Variants in TRAF3 observed in about 807,000 individuals in gnomAD.
The protein encoded by TRAF3 is TNF receptor associated factor 3.
A neutral mutation model predicts 62.3 loss-of-function variants in TRAF3; 13 were observed. That is an observed-to-expected ratio of 0.21 (90% CI 0.14 to 0.33). TRAF3 has a LOEUF of 0.33. Among genes scored for constraint, TRAF3 ranks in the 10% least tolerant of loss-of-function variants. The pLI, the probability that TRAF3 is intolerant of heterozygous loss-of-function variation, is 1.00. For missense variants in TRAF3, 440 were observed against 741.8 expected, an observed-to-expected ratio of 0.59 and a Z score of 4.73; for synonymous variants, 269 against 283.4, an observed-to-expected ratio of 0.95 and a Z score of 0.51.
intron 2 of TRAF3, among the ~76,000 whole-genome samples, chr14:102,854,389 A>G (rs1228809931): frequency 6.6e-6 from 1 of 152,220 alleles, no homozygotes; most frequent in Non-Finnish European, 1.5e-5. Flanking sequence ...ACCATTTTAC[A>G]TTCCTGTCAA....
At position 102,865,721 on chromosome 14, in the gene TRAF3, A is replaced by C. The variant is rs545162492; in HGVS notation, c.-17-4464A>C. On this transcript the variant is annotated intron_variant, in intron 2 of 11. Transcript: ENST00000392745. ...ACCATGTTGGCCAGGGCTGGTCTTG[A>C]ACTCCTGACCTCAAGTGATTTAGCC... is the stretch of plus-strand genomic sequence containing the variant. 3.9e-5 allele frequency: 6 copies of C among 152,178 alleles called. No individual in the cohort carries two copies. The East Asian group carries it at 9.7e-4, about 25-fold the overall frequency. The allele number at this position is 152,178 out of a possible 1,614,324, so 9.4% of individuals were successfully genotyped here.
intron 2 of TRAF3, among the ~76,000 whole-genome samples, chr14:102,861,776 G>A (rs1887692845): frequency 6.6e-6 from 1 of 152,164 alleles, no homozygotes; most frequent in Non-Finnish European, 1.5e-5. Context: ...CAGAGCAGCC[G>A]ATTTGTATTT....
At chr14:102,866,850 A>AACACACACAC (rs538121314) in intron 2 of TRAF3, among the ~76,000 whole-genome samples, 130 of 132,276 alleles carry the variant, frequency 9.8e-4, no homozygotes, top group East Asian at 9.4e-3. Flanking sequence ...ATCTCTTGAA[A>AACACACACAC]ACACACACAC....
chr14:102,843,103 C>G (rs368409601), intron 2 of TRAF3, among the ~76,000 whole-genome samples: 1 of 150,580 alleles, frequency 6.6e-6, no homozygotes, highest in Non-Finnish European at 1.5e-5. Context: ...CTCAGGAGGC[C>G]GAGACAGGAG....
At chr14:102,855,402 C>A (rs1350255859) in intron 2 of TRAF3, among the ~76,000 whole-genome samples, 1 of 152,096 alleles carries the variant, frequency 6.6e-6, no homozygotes, top group African/African-American at 2.4e-5. Context: ...GAGGAACTGC[C>A]AGCCTCTTTT....
At chr14:102,778,739 C>T (rs1355775909) in intron 1 of TRAF3, among the ~76,000 whole-genome samples, 1 of 152,084 alleles carries the variant, frequency 6.6e-6, no homozygotes, top group Non-Finnish European at 1.5e-5. Context: ...GCATTTGCTG[C>T]GACTACACAC....
chr14:102,853,423 C>G, intron 2 of TRAF3, among the ~76,000 whole-genome samples: 1 of 152,114 alleles, frequency 6.6e-6, no homozygotes, highest in East Asian at 1.9e-4. Context: ...TTCCCCCCAC[C>G]ACCGTTTTTT....
At chr14:102,788,734 G>A (rs1897629001) in intron 1 of TRAF3, among the ~76,000 whole-genome samples, 1 of 152,168 alleles carries the variant, frequency 6.6e-6, no homozygotes, top group Admixed American at 6.5e-5. Flanking sequence ...GGAGGCAAAA[G>A]TTGCAGTGAG....
At chr14:102,825,773 T>C (rs28483070) in intron 1 of TRAF3, among the ~76,000 whole-genome samples, 64,087 of 152,212 alleles carry the variant, frequency 0.42, 18,596 homozygotes, top group African/African-American at 0.82. Flanking sequence ...GGAACTTCTG[T>C]GGGGAGTGCC....
intron 2 of TRAF3, among the ~76,000 whole-genome samples, chr14:102,837,781 T>C (rs1433985527): frequency 2.0e-5 from 3 of 152,224 alleles, no homozygotes; most frequent in African/African-American, 4.8e-5. Flanking sequence ...TTGACAGTTG[T>C]CAAAGTCAGC....
chr14:102,838,803 G>A (rs907521294), intron 2 of TRAF3, among the ~76,000 whole-genome samples: 5 of 152,080 alleles, frequency 3.3e-5, no homozygotes, highest in Non-Finnish European at 5.9e-5. Flanking sequence ...GTATTGGAGG[G>A]GGTATGTTGT....
intron 1 of TRAF3, among the ~76,000 whole-genome samples, chr14:102,813,130 C>T (rs1899298980): frequency 8.6e-6 from 1 of 116,750 alleles, no homozygotes; most frequent in African/African-American, 2.7e-5. Flanking sequence ...CATGTGCCAC[C>T]ACGCCTGGCT....
chr14:102,882,943 C>T (rs572424412), intron 6 of TRAF3, among the ~76,000 whole-genome samples: 27 of 152,304 alleles, frequency 1.8e-4, no homozygotes, highest in African/African-American at 6.3e-4. Context: ...ATTCTTTAAA[C>T]AGCTCTGTTA....
chr14:102,827,312 A>G (rs1417599580), intron 1 of TRAF3, among the ~76,000 whole-genome samples: 1 of 152,210 alleles, frequency 6.6e-6, no homozygotes, highest in East Asian at 1.9e-4. Context: ...GCGGTTCCCC[A>G]CAGTCAGATT....
At chr14:102,849,514 C>T (rs1886912367) in intron 2 of TRAF3, among the ~76,000 whole-genome samples, 1 of 152,190 alleles carries the variant, frequency 6.6e-6, no homozygotes, top group Non-Finnish European at 1.5e-5. Flanking sequence ...TGCTGGGCCC[C>T]AAATAACTAT....
In TRAF3 at chr14:102,909,129, C is replaced by A. The variant is rs1438720605; in HGVS notation, c.*3345C>A. 1 of 152,312 alleles carries A rather than the reference C, an allele frequency of 6.6e-6. No homozygotes were observed. The highest frequency in any genetic ancestry group is 1.5e-5 in the Non-Finnish European group (1 of 68,116). The allele number at this position is 152,312 out of a possible 1,614,324, so 9.4% of individuals were successfully genotyped here. A position where few individuals can be genotyped will look rare whatever the true frequency, so the allele number is the denominator to read the frequency against. On this transcript the variant is annotated 3_prime_UTR_variant, in exon 12 of 12. Transcript: ENST00000392745. ...TGGCTTTGGGACTAGACATGCCAGC[C>A]CCAGCTGGGCTGGAGGGAGCCTGAG...
intron 5 of TRAF3, 42 bp from the exon 6 acceptor site, chr14:102,876,316 G>GTT: frequency 6.2e-7 from 1 of 1,609,088 alleles, no homozygotes; most frequent in Non-Finnish European, 8.5e-7. Context: ...CAGATTTAGG[G>GTT]TTTTTTTCCC....
chr14:102,884,723 A>G (rs934889624), intron 6 of TRAF3, among the ~76,000 whole-genome samples: 6 of 151,884 alleles, frequency 4.0e-5, no homozygotes, highest in African/African-American at 4.8e-5. Context: ...GAGGCAGGAG[A>G]ATTGCTTGAA....
chr14:102,886,048 G>T (rs1169627300), intron 6 of TRAF3, 141 bp from the exon 7 acceptor site: 1 of 699,432 alleles, frequency 1.4e-6, no homozygotes, highest in African/African-American at 1.8e-5. Flanking sequence ...TAATGACTCA[G>T]CCATACGTAA....
Sources: allele counts gnomAD v4.1 joint callset (sites outside exome capture counted in the v4.1 genomes callset), GRCh38; gene constraint gnomAD v4.1.1; transcripts MANE v1.5; gene names NCBI Gene and HGNC (gene_info 2026-07-23, HGNC 2026-07-21).